KIAA1328: variants seen among roughly 807,000 people sequenced by gnomAD.
The protein encoded by KIAA1328 is KIAA1328.
Under a neutral mutation model 68.1 loss-of-function variants are expected in KIAA1328, and 52 were observed. The observed-to-expected ratio is 0.76, with a 90% CI of 0.61 to 0.96. The LOEUF is 0.96. Among genes scored for constraint, KIAA1328 ranks in the 40% least tolerant of loss-of-function variants. The pLI, the probability that KIAA1328 is intolerant of heterozygous loss-of-function variation, is 0.00. For synonymous variants in KIAA1328, 232 were observed against 239.4 expected (o/e 0.97, Z 0.28); for missense variants, 641 against 677.6 (o/e 0.95, Z 0.60).
At position 37,020,539 on chromosome 18, in the gene KIAA1328, C is replaced by T. The variant is rs1032650234; in HGVS notation, c.577-46351C>T. Among the ~76,000 whole-genome samples, 12 of 152,276 alleles carry T rather than the reference C, an allele frequency of 7.9e-5. 1 individual carries two copies. The highest frequency in any genetic ancestry group is 5.2e-4 in the Admixed American group (8 of 15,288). ...TCAGAATACTGTATATAAATTTAGA[C>T]GAACAGGAATTTTTCAGAATGGTAA... On this transcript the variant is annotated intron_variant, in intron 6 of 9. Transcript: ENST00000280020.
At chr18:37,155,459 C>T (rs770718694) in intron 7 of KIAA1328, among the ~76,000 whole-genome samples, 8 of 152,186 alleles carry the variant, frequency 5.3e-5, no homozygotes, top group Non-Finnish European at 1.0e-4. Context: ...TTTTCTCTCC[C>T]TCTCTCTTAC....
At chr18:37,217,641 G>A (rs1030626376) in intron 9 of KIAA1328, among the ~76,000 whole-genome samples, 67 of 152,238 alleles carry the variant, frequency 4.4e-4, no homozygotes, top group Non-Finnish European at 7.4e-4. Context: ...TGACAATTAT[G>A]TGTCTTGGGG....
intron 1 of KIAA1328, among the ~76,000 whole-genome samples, chr18:36,831,945 G>A (rs935285409): frequency 2.0e-5 from 3 of 151,812 alleles, no homozygotes; most frequent in African/African-American, 7.3e-5. Context: ...AAAAGAAATA[G>A]CACACAAAAA....
At chr18:37,047,033 G>T (rs964171599) in intron 6 of KIAA1328, among the ~76,000 whole-genome samples, 1 of 152,188 alleles carries the variant, frequency 6.6e-6, no homozygotes, top group Non-Finnish European at 1.5e-5. Context: ...TCGGGAGGCT[G>T]AGGCAGGAGA....
chr18:37,142,942 GTTTTTTTTTTT>G (rs551875920), intron 7 of KIAA1328, among the ~76,000 whole-genome samples: 1 of 140,364 alleles, frequency 7.1e-6, no homozygotes, highest in Admixed American at 7.1e-5. Context: ...ATTTACTTTG[GTTTTTTTTTTT>G]TGTTTTTTTT....
chr18:36,859,897 G>T (rs2047506822), intron 4 of KIAA1328, among the ~76,000 whole-genome samples: 1 of 146,456 alleles, frequency 6.8e-6, no homozygotes, highest in Admixed American at 6.8e-5. Flanking sequence ...TTTTATAATA[G>T]ATATGTAACT....
chr18:36,836,618 T>TC (rs1219244011), intron 3 of KIAA1328, among the ~76,000 whole-genome samples: 2 of 152,180 alleles, frequency 1.3e-5, no homozygotes, highest in African/African-American at 4.8e-5. Context: ...CTCTTTTTTT[T>TC]CAAATTGAGA....
intron 8 of KIAA1328, among the ~76,000 whole-genome samples, chr18:37,160,652 A>G (rs2059259867): frequency 6.6e-6 from 1 of 152,220 alleles, no homozygotes; most frequent in African/African-American, 2.4e-5. Context: ...AAGTATGGTC[A>G]TAGACTAAAA....
At chr18:37,063,680 A>C in intron 6 of KIAA1328, 1 of 985,328 alleles carries the variant, frequency 1.0e-6, no homozygotes, top group Non-Finnish European at 1.2e-6. Context: ...CGTTAAAATC[A>C]TTAAGCTGTA....
At chr18:37,163,020 C>CA (rs1322550991) in intron 8 of KIAA1328, among the ~76,000 whole-genome samples, 1 of 152,126 alleles carries the variant, frequency 6.6e-6, no homozygotes, top group East Asian at 1.9e-4. Context: ...TGAGCAATGT[C>CA]AAACAGGGAG....
In KIAA1328 at chr18:37,160,256, A is replaced by T. The variant is rs750319379; in HGVS notation, c.1289A>T (p.Lys430Met). Reference protein sequence around the residue: ...WLLGTSSSIKKHQDPPNSGEN... With the variant: ...WLLGTSSSIKMHQDPPNSGEN... Reference sequence around the variant, plus strand: ...CTTGGAACATCATCATCTATTAAAAAGCACCAAGACCCCCCAAACAGTGGA... The same window carrying T: ...CTTGGAACATCATCATCTATTAAAATGCACCAAGACCCCCCAAACAGTGGA... Residue 430 changes from lysine to methionine, a missense_variant, in exon 8 of 10, where the codon AAG becomes ATG. Physicochemically the swap from Lys to Met is moderately conservative, Grantham distance 95. Transcript: ENST00000280020. 1 of 1,613,620 alleles carries T rather than the reference A, an allele frequency of 6.2e-7. No individual in the cohort carries two copies. Among genetic ancestry groups the T allele is most frequent in the Non-Finnish European group, 8.5e-7 (1 of 1,179,680 alleles).
intron 3 of KIAA1328, among the ~76,000 whole-genome samples, chr18:36,835,944 C>A (rs1259720851): frequency 1.3e-5 from 2 of 152,130 alleles, no homozygotes; most frequent in African/African-American, 4.8e-5. Flanking sequence ...GAATCTATAA[C>A]CTGTGGACCA....
intron 9 of KIAA1328, among the ~76,000 whole-genome samples, chr18:37,188,892 T>G (rs1568513198): frequency 6.6e-6 from 1 of 152,248 alleles, no homozygotes; most frequent in Non-Finnish European, 1.5e-5. Context: ...ATTTCACGCC[T>G]TGCAGACTTC....
chr18:37,154,322 AATC>A (rs544145702), intron 7 of KIAA1328, among the ~76,000 whole-genome samples: 1 of 152,184 alleles, frequency 6.6e-6, no homozygotes, highest in Non-Finnish European at 1.5e-5. Context: ...CACTGCCTAA[AATC>A]AGCATCTTTT....
intron 6 of KIAA1328, among the ~76,000 whole-genome samples, chr18:36,990,561 T>G (rs8099809): frequency 6.6e-6 from 1 of 151,636 alleles, no homozygotes; most frequent in Non-Finnish European, 1.5e-5. Flanking sequence ...GTAATCCCAG[T>G]TCGGGAGGCT....
chr18:36,940,163 A>C (rs1159390445), intron 5 of KIAA1328, among the ~76,000 whole-genome samples: 1 of 152,232 alleles, frequency 6.6e-6, no homozygotes, highest in Non-Finnish European at 1.5e-5. Context: ...TCAGAAGTGC[A>C]AGATGGGCAG....
intron 6 of KIAA1328, among the ~76,000 whole-genome samples, chr18:37,018,150 T>C (rs1444158545): frequency 6.6e-6 from 1 of 152,206 alleles, no homozygotes; most frequent in African/African-American, 2.4e-5. Context: ...GGAAGGCTGG[T>C]CTAGTGGTAA....
intron 6 of KIAA1328, among the ~76,000 whole-genome samples, chr18:37,012,951 A>G (rs1016299793): frequency 6.6e-6 from 1 of 152,192 alleles, no homozygotes; most frequent in African/African-American, 2.4e-5. Context: ...TCAGTGGAAT[A>G]TCAAAGGCTC....
intron 5 of KIAA1328, among the ~76,000 whole-genome samples, chr18:36,929,820 TC>T (rs2050249405): frequency 6.6e-6 from 1 of 152,088 alleles, no homozygotes; most frequent in Non-Finnish European, 1.5e-5. Flanking sequence ...ATCCTGGACT[TC>T]CAGCTGCCAG....
Sources: allele counts gnomAD v4.1 joint callset (sites outside exome capture counted in the v4.1 genomes callset), GRCh38; gene constraint gnomAD v4.1.1; transcripts MANE v1.5; gene names NCBI Gene and HGNC (gene_info 2026-07-23, HGNC 2026-07-21).